The following DSTYK variants were observed in gnomAD, a reference collection of about 807,000 sequenced individuals.
DSTYK encodes RIP-homologous kinase.
A neutral mutation model predicts 98.7 loss-of-function variants in DSTYK; 34 were observed. That is an observed-to-expected ratio of 0.34 (90% CI 0.26 to 0.46). The LOEUF (loss-of-function observed/expected upper bound fraction) is 0.46. Among genes scored for constraint, DSTYK ranks in the 20% least tolerant of loss-of-function variants. The pLI is 1.00. For missense variants in DSTYK, 962 were observed against 1,181.7 expected, an observed-to-expected ratio of 0.81 and a Z score of 2.73; for synonymous variants, 462 against 457.3, an observed-to-expected ratio of 1.01 and a Z score of -0.13.
At chr1:205,197,654 A>T (rs1658906341) in intron 1 of DSTYK, among the ~76,000 whole-genome samples, 1 of 151,990 alleles carries the variant, frequency 6.6e-6, no homozygotes, top group Admixed American at 6.6e-5. Context: ...ACAGGATTTG[A>T]ACAACAACAG....
At position 205,150,810 on chromosome 1, in the gene DSTYK, G is replaced by A. The variant is rs1657379593; in HGVS notation, c.2353-16C>T. On this transcript the variant is annotated splice_polypyrimidine_tract_variant and intron_variant, in intron 10 of 12. Transcript: ENST00000367162. The surrounding 1 kb of genome is among the most constrained non-coding windows in gnomAD (Gnocchi z 4.1). ...GCTTATCCAGCTGCCAACAAAGCAG[G>A]GCAAGAGTCACCTTGTTTCTGATCC... 1 of 1,605,528 alleles carries A rather than the reference G, an allele frequency of 6.2e-7. No individual in the cohort carries two copies. Among genetic ancestry groups the A allele is most frequent in the Non-Finnish European group, 8.5e-7 (1 of 1,172,256 alleles).
At chr1:205,159,030 A>G (rs1158269725) in intron 9 of DSTYK, among the ~76,000 whole-genome samples, 3 of 152,190 alleles carry the variant, frequency 2.0e-5, no homozygotes, top group African/African-American at 7.2e-5. Context: ...CTGAGTGGTG[A>G]TGACAGTATT....
intron 3 of DSTYK, among the ~76,000 whole-genome samples, chr1:205,166,424 A>C (rs1657892499): frequency 6.6e-6 from 1 of 151,742 alleles, no homozygotes; most frequent in Non-Finnish European, 1.5e-5. Context: ...GGGCTGAAGC[A>C]GGAGGATCGC....
At chr1:205,149,057 C>T (rs1657328307) in intron 11 of DSTYK, among the ~76,000 whole-genome samples, 1 of 151,926 alleles carries the variant, frequency 6.6e-6, no homozygotes, top group African/African-American at 2.4e-5. Context: ...CATGTGCCAC[C>T]ACGCCCGGCC....
chr1:205,181,715 G>GT lies in DSTYK; in HGVS notation c.654+5702dup, dbSNP rs1025604305. Among the ~76,000 whole-genome samples, 7 of 144,642 alleles carry GT rather than the reference G, an allele frequency of 4.8e-5. No homozygotes were observed. The East Asian group carries it at 8.5e-4, about 18-fold the overall frequency. The allele number at this position is 144,642 out of a possible 152,430, so 94.9% of individuals were successfully genotyped here. A position where few individuals can be genotyped will look rare whatever the true frequency, so the allele number is the denominator to read the frequency against. On this transcript the variant is annotated intron_variant, in intron 2 of 12. Transcript: ENST00000367162. Reference sequence around the variant, plus strand: ...GTGTGTGTGGCGGGGCAGGGGTGTGGTTTTTTTTGAGATAGGGTCTCACTC... The same window carrying GT: ...GTGTGTGTGGCGGGGCAGGGGTGTGGTTTTTTTTTGAGATAGGGTCTCACTC...
chr1:205,152,139 T>C (rs556671138), intron 10 of DSTYK, among the ~76,000 whole-genome samples: 2 of 152,310 alleles, frequency 1.3e-5, no homozygotes, highest in African/African-American at 4.8e-5. Flanking sequence ...ATGATGTCAC[T>C]AGACAATAGG....
At chr1:205,171,454 T>TAAA (rs10536424) in intron 2 of DSTYK, among the ~76,000 whole-genome samples, 1 of 115,170 alleles carries the variant, frequency 8.7e-6, no homozygotes, top group Non-Finnish European at 1.8e-5. Context: ...CTGTCTCAAT[T>TAAA]AAAAAAAAAA....
At chr1:205,165,333 C>T (rs760311135) in intron 3 of DSTYK, among the ~76,000 whole-genome samples, 4 of 151,854 alleles carry the variant, frequency 2.6e-5, no homozygotes, top group East Asian at 1.9e-4. Flanking sequence ...TCAGGTGATC[C>T]GCTCACCTTG....
At chr1:205,176,614 A>G (rs1658241477) in intron 2 of DSTYK, among the ~76,000 whole-genome samples, 1 of 150,090 alleles carries the variant, frequency 6.7e-6, no homozygotes, top group Non-Finnish European at 1.5e-5. Context: ...ATTTATTTTT[A>G]AATTTTTTGT....
intron 2 of DSTYK, among the ~76,000 whole-genome samples, chr1:205,183,857 T>C (rs1012752305): frequency 2.6e-5 from 4 of 152,112 alleles, no homozygotes; most frequent in African/African-American, 9.7e-5. Flanking sequence ...CAAGGCCCTC[T>C]GAGACTCAAC....
chr1:205,148,171 G>C (rs762983395), intron 12 of DSTYK, 34 bp downstream of exon 12: 18 of 1,613,432 alleles, frequency 1.1e-5, no homozygotes, highest in Non-Finnish European at 1.5e-5. Flanking sequence ...GCTAGCCAGG[G>C]GAGTTAGGAC....
chr1:205,162,083 T>G lies in DSTYK; in HGVS notation c.1771A>C (p.Thr591Pro). ...LAKSICSQFR[T>P]RLNSSHEAFA... ...GCCTCGTGGGAACTATTGAGCCGAG[T>G]CCGGAATTGGCTGCAAATGCTCTTA... is the stretch of plus-strand genomic sequence containing the variant. The change falls in exon 6 of 13, where the codon ACT becomes CCT. Residue 591 changes from threonine (T) to proline (P), a missense_variant. Physicochemically the swap from Thr to Pro is conservative, Grantham distance 38 (BLOSUM62 -1). Transcript: ENST00000367162. 1 of 1,613,960 alleles carries G rather than the reference T, an allele frequency of 6.2e-7. No individual in the cohort carries two copies. Among genetic ancestry groups the G allele is most frequent in the Non-Finnish European group, 8.5e-7 (1 of 1,179,974 alleles).
chr1:205,202,536 T>C (rs963848342), intron 1 of DSTYK: 6 of 899,282 alleles, frequency 6.7e-6, no homozygotes, highest in Non-Finnish European at 1.1e-5. Flanking sequence ...TCGTTGGGCA[T>C]ATCAAAGTGA....
Position 205,145,961 on chromosome 1 carries a change from C to CA in DSTYK, c.*1596dup, listed in dbSNP as rs1367724266. ...GAATCAGAATTTCTTTCCTCAAGCA[C>CA]ACTTCATGAGGAACCCTCCAAAAGA... On this transcript the variant is annotated 3_prime_UTR_variant, in exon 13 of 13. Transcript: ENST00000367162. 1 of 152,138 alleles carries CA rather than the reference C, an allele frequency of 6.6e-6. No homozygotes were observed. Among genetic ancestry groups the CA allele is most frequent in the African/African-American group, 2.4e-5 (1 of 41,422 alleles). The allele number at this position is 152,138 out of a possible 1,614,324, so 9.4% of individuals were successfully genotyped here.
intron 2 of DSTYK, among the ~76,000 whole-genome samples, chr1:205,170,061 G>A (rs1487936903): frequency 6.6e-6 from 1 of 152,166 alleles, no homozygotes; most frequent in Non-Finnish European, 1.5e-5. Flanking sequence ...AGAAAGGATG[G>A]CAACCCCTTT....
chr1:205,200,979 C>T lies in DSTYK; in HGVS notation c.265+10292G>A, dbSNP rs576036476. 7.0e-4 allele frequency among the ~76,000 whole-genome samples: 106 copies of T among 151,950 alleles called. 1 individual carries two copies. Among genetic ancestry groups the T allele is most frequent in the African/African-American group, 2.4e-3 (101 of 41,426 alleles). ...GGAGTGCAATGGTGCAATCTTGGCT[C>T]ACTGCAACCTCCGCCTCCCAGGTTC... On this transcript the variant is annotated intron_variant, in intron 1 of 12. Transcript: ENST00000367162.
rs1191142632 is a variant in DSTYK, at chr1:205,150,828, T to G, written c.2353-34A>C. The G allele has an allele frequency of 6.4e-7, 1 of 1,563,848 alleles. No individual in the cohort carries two copies. Among genetic ancestry groups the G allele is most frequent in the East Asian group, 2.2e-5 (1 of 44,610 alleles). ...AAAGCAGGGCAAGAGTCACCTTGTT[T>G]CTGATCCTGCACACAGCACTGCTGC... is the stretch of plus-strand genomic sequence containing the variant. On this transcript the variant is annotated intron_variant, in intron 10 of 12. Coordinates refer to ENST00000367162, the MANE Select transcript of DSTYK (RefSeq NM_015375.3). This position sits in a 1 kb window ranked among gnomAD's most constrained non-coding sequence, Gnocchi z 4.1.
intron 10 of DSTYK, among the ~76,000 whole-genome samples, chr1:205,154,937 G>C (rs1657512927): frequency 6.6e-6 from 1 of 152,040 alleles, no homozygotes; most frequent in Admixed American, 6.6e-5. Context: ...ACTTGAACTT[G>C]AGAGAGATGA....
Position 205,150,145 on chromosome 1 carries a change from C to T in DSTYK, c.2467+535G>A, listed in dbSNP as rs1452122289. Among the ~76,000 whole-genome samples, 4 of 152,144 alleles carry T rather than the reference C, an allele frequency of 2.6e-5. No individual in the cohort carries two copies. Among genetic ancestry groups the T allele is most frequent in the African/African-American group, 9.7e-5 (4 of 41,428 alleles). On this transcript the variant is annotated intron_variant, in intron 11 of 12. Transcript: ENST00000367162. This position sits in a 1 kb window ranked among gnomAD's most constrained non-coding sequence, Gnocchi z 4.1. ...GGTATATACTTAATAAATGAGTTCC[C>T]TTCTCACCTACCAATTTCCCAAATC...
Sources: gnomAD v4.1 joint callset for allele counts (sites outside exome capture counted in the v4.1 genomes callset) on GRCh38, gnomAD v4.1.1 for gene constraint, Gnocchi (gnomAD v3.1) non-coding constraint, MANE v1.5 for transcripts, NCBI Gene and HGNC (gene_info 2026-07-23, HGNC 2026-07-21) for gene names.